The following PRKCB variants were observed in gnomAD, a reference collection of about 807,000 sequenced individuals.
PRKCB encodes the protein protein kinase C beta type.
In PRKCB, 13 loss-of-function variants were observed where a neutral mutation model predicts 81.5. The ratio of observed to expected loss-of-function variants is 0.16; its 90% CI spans 0.10 to 0.25. The LOEUF (loss-of-function observed/expected upper bound fraction) is 0.25. PRKCB is among the 10% of genes least tolerant of loss of function. PRKCB has a pLI of 1.00. For synonymous variants in PRKCB, 335 were observed against 321.4 expected (o/e 1.04, Z -0.45); for missense variants, 509 against 875.7 (o/e 0.58, Z 5.29).
chr16:24,151,202 ACTTT>A (rs1253860235), intron 9 of PRKCB, among the ~76,000 whole-genome samples: 1 of 152,176 alleles, frequency 6.6e-6, no homozygotes, highest in Non-Finnish European at 1.5e-5. Context: ...CTCTCTAACA[ACTTT>A]CTAATACAAT....
chr16:24,038,698 T>C (rs1392018010), intron 5 of PRKCB, among the ~76,000 whole-genome samples: 1 of 152,196 alleles, frequency 6.6e-6, no homozygotes, highest in Non-Finnish European at 1.5e-5. Context: ...TTTGTTCCAG[T>C]GATTTATTGG....
intron 3 of PRKCB, among the ~76,000 whole-genome samples, chr16:24,017,498 G>GCACACA (rs59633203): frequency 2.0e-5 from 3 of 148,352 alleles, no homozygotes; most frequent in African/African-American, 4.9e-5. Context: ...AAACACGCAG[G>GCACACA]CACACACACA....
At chr16:24,164,022 T>C (rs1234594711) in intron 10 of PRKCB, among the ~76,000 whole-genome samples, 1 of 152,326 alleles carries the variant, frequency 6.6e-6, no homozygotes, top group East Asian at 1.9e-4. Context: ...ACAGACCAGC[T>C]TGGAAAATCA....
chr16:24,189,840 T>A (rs1170641524), intron 15 of PRKCB, among the ~76,000 whole-genome samples: 1 of 152,164 alleles, frequency 6.6e-6, no homozygotes, highest in East Asian at 1.9e-4. Context: ...TTCCCCATCA[T>A]CAGCAAGTCC....
intron 2 of PRKCB, among the ~76,000 whole-genome samples, chr16:23,885,993 T>G (rs1963192595): frequency 6.6e-6 from 1 of 152,240 alleles, no homozygotes; most frequent in Non-Finnish European, 1.5e-5. Flanking sequence ...TGCCATGTGC[T>G]GGAAATGTGC....
At chr16:23,891,043 T>C (rs1205889044) in intron 2 of PRKCB, among the ~76,000 whole-genome samples, 1 of 146,148 alleles carries the variant, frequency 6.8e-6, no homozygotes, top group African/African-American at 2.6e-5. Context: ...TGTGTGTGTA[T>C]ATATATATAT....
At position 23,917,694 on chromosome 16, in the gene PRKCB, A is replaced by G. The variant is rs553761116; in HGVS notation, c.206-70814A>G. On this transcript the variant is annotated intron_variant, in intron 2 of 16. Coordinates refer to ENST00000643927, the MANE Select transcript of PRKCB (RefSeq NM_002738.7). ...TTCTCTGCAGTTCTCCAGATGGACC[A>G]CATTTAAAACAGAGGCACTGCCATT... Among the ~76,000 whole-genome samples, 4 of 152,384 alleles carry G rather than the reference A, an allele frequency of 2.6e-5. No homozygotes were observed. In the South Asian group the frequency reaches 8.3e-4, roughly 32 times the overall value.
intron 7 of PRKCB, among the ~76,000 whole-genome samples, chr16:24,104,986 C>G (rs554821143): frequency 1.2e-4 from 18 of 152,094 alleles, no homozygotes; most frequent in African/African-American, 4.3e-4. Flanking sequence ...CTAGTAGGTC[C>G]TTTCCCATTC....
chr16:23,837,260 G>T, intron 1 of PRKCB, 115 bp from the exon 2 acceptor site: 1 of 1,328,452 alleles, frequency 7.5e-7, no homozygotes, highest in South Asian at 1.2e-5. Context: ...GCCTGTGGCT[G>T]GGAGTTTGCA....
intron 2 of PRKCB, among the ~76,000 whole-genome samples, chr16:23,957,068 C>G (rs997485203): frequency 6.7e-6 from 1 of 149,176 alleles, no homozygotes; most frequent in Non-Finnish European, 1.5e-5. Flanking sequence ...AATCCAGAAG[C>G]CATAAAGAAA....
chr16:24,111,241 T>G (rs1189023444), intron 7 of PRKCB: 1 of 152,214 alleles, frequency 6.6e-6, no homozygotes, highest in Non-Finnish European at 1.5e-5. Context: ...CTTCTCTGCT[T>G]TGAATCACCT....
chr16:24,079,129 CG>C (rs1160233092), intron 5 of PRKCB, among the ~76,000 whole-genome samples: 4 of 152,178 alleles, frequency 2.6e-5, no homozygotes, highest in African/African-American at 7.2e-5. Context: ...CTAACTGATA[CG>C]ATATATTCTC....
rs112036603 is a variant in PRKCB at position 24,118,950 on chromosome 16, G to A, written c.919-4885G>A. Among the ~76,000 whole-genome samples, 227 of 152,210 alleles carry A rather than the reference G, an allele frequency of 1.5e-3. 1 individual carries two copies. The highest frequency in any genetic ancestry group is 5.3e-3 in the African/African-American group (221 of 41,540). Reference sequence around the variant, plus strand: ...CAAACCCAGGTGTTTTCAGGAGCCAGGCAAACAACAAGAAGGCGAAAGAGC... The same window carrying A: ...CAAACCCAGGTGTTTTCAGGAGCCAAGCAAACAACAAGAAGGCGAAAGAGC... On this transcript the variant is annotated intron_variant, in intron 8 of 16. Transcript: ENST00000643927.
intron 9 of PRKCB, among the ~76,000 whole-genome samples, chr16:24,147,055 T>A (rs1014315215): frequency 6.6e-6 from 1 of 152,064 alleles, no homozygotes; most frequent in African/African-American, 2.4e-5. Flanking sequence ...ATGCCTGTAA[T>A]CCCAGCACTT....
rs375207960 is a variant in PRKCB at position 23,880,914 on chromosome 16, CT to C, written c.205+43517del. ...TGCTTTTCAATTCACATTTTACGAT[CT>C]TTTTTTTTGTATGGTTCTGTAGTCT... is the stretch of plus-strand genomic sequence containing the variant. On this transcript the variant is annotated intron_variant, in intron 2 of 16. Coordinates refer to ENST00000643927, the MANE Select transcript of PRKCB (RefSeq NM_002738.7). Among the ~76,000 whole-genome samples, 379 of 151,620 alleles carry C rather than the reference CT, an allele frequency of 2.5e-3. 2 individuals carry two copies. Among genetic ancestry groups the C allele is most frequent in the African/African-American group, 8.5e-3 (350 of 41,374 alleles).
rs1462047743 is a variant in PRKCB at position 23,948,248 on chromosome 16, C to G, written c.206-40260C>G. 2.0e-5 allele frequency among the ~76,000 whole-genome samples: 3 copies of G among 152,076 alleles called. 1 individual carries two copies. Among genetic ancestry groups the G allele is most frequent in the Non-Finnish European group, 4.4e-5 (3 of 68,010 alleles). On this transcript the variant is annotated intron_variant, in intron 2 of 16. Coordinates refer to ENST00000643927, the MANE Select transcript of PRKCB (RefSeq NM_002738.7). ...GTGGCAGCGGGTTCTGTACTGTGGTCAAGATGTTTCTTCTGGCTTTCTAAA... is the reference window on the plus strand; with the variant it reads ...GTGGCAGCGGGTTCTGTACTGTGGTGAAGATGTTTCTTCTGGCTTTCTAAA...
At chr16:24,040,817 A>C (rs1965688214) in intron 5 of PRKCB, among the ~76,000 whole-genome samples, 1 of 152,220 alleles carries the variant, frequency 6.6e-6, no homozygotes, top group African/African-American at 2.4e-5. Context: ...TACCAGGTCC[A>C]ACGTCAACAG....
chr16:24,003,948 A>G (rs1184810501), intron 3 of PRKCB, among the ~76,000 whole-genome samples: 2 of 152,224 alleles, frequency 1.3e-5, no homozygotes, highest in Non-Finnish European at 2.9e-5. Flanking sequence ...AGCCAGTCTC[A>G]TACATGAGTC....
chr16:23,914,554 T>C (rs186738815), intron 2 of PRKCB, among the ~76,000 whole-genome samples: 169 of 152,244 alleles, frequency 1.1e-3, no homozygotes, highest in Admixed American at 1.7e-3. Context: ...CACCCCTTGG[T>C]TGGGTGATCT....
Sources: gnomAD v4.1 joint callset for allele counts (sites outside exome capture counted in the v4.1 genomes callset) on GRCh38, gnomAD v4.1.1 for gene constraint, MANE v1.5 for transcripts, NCBI Gene and HGNC (gene_info 2026-07-23, HGNC 2026-07-21) for gene names.